The following GABRR2 variants were observed in gnomAD, a reference collection of about 807,000 sequenced individuals.
The protein encoded by GABRR2 is gamma-aminobutyric acid receptor subunit rho-2.
GABRR2 carries 36 observed loss-of-function variants against 47.0 expected under a neutral mutation model. The observed-to-expected ratio is 0.77, with a 90% CI of 0.59 to 1.01. The LOEUF (loss-of-function observed/expected upper bound fraction) is 1.01. Among genes scored for constraint, GABRR2 ranks in the 50% least tolerant of loss-of-function variants. The probability of loss-of-function intolerance (pLI) is 0.00; values close to 1 mark genes in which losing one functional copy is unlikely to be tolerated. For synonymous variants in GABRR2, 204 were observed against 227.5 expected, an observed-to-expected ratio of 0.90 and a Z score of 0.93; for missense variants, 587 against 594.6, an observed-to-expected ratio of 0.99 and a Z score of 0.13.
intron 2 of GABRR2, among the ~76,000 whole-genome samples, chr6:89,283,322 A>G (rs977056742): frequency 2.0e-5 from 3 of 152,214 alleles, no homozygotes; most frequent in Non-Finnish European, 2.9e-5. Context: ...AGATGTACAA[A>G]ATTTTAAAAA....
chr6:89,302,623 C>A, intron 1 of GABRR2: 1 of 1,247,478 alleles, frequency 8.0e-7, no homozygotes, highest in East Asian at 3.5e-5. Context: ...CTGACCGTGC[C>A]CGAGCTCACC....
Position 89,267,704 on chromosome 6 carries a change from G to C in GABRR2, c.711C>G (p.Ser237=), listed in dbSNP as rs531228504. Residue 237 remains serine (S), a synonymous_variant, in exon 6 of 9, where the codon TCC becomes TCG. Coordinates refer to ENST00000402938, the MANE Select transcript of GABRR2 (RefSeq NM_002043.5). ...QFLIQKFHTT[S]RLAFYSSTGW... ...CAGTGCTGCTGTAGAAGGCCAGCCT[G>C]GAAGTTGTGTGAAATTTCTGAATCA... is the stretch of plus-strand genomic sequence containing the variant. The C allele has an allele frequency of 1.1e-4, 173 of 1,613,834 alleles. 1 individual carries two copies. The East Asian group carries it at 3.8e-3, about 36-fold the overall frequency.
At chr6:89,289,933 C>G (rs925423497) in intron 2 of GABRR2, among the ~76,000 whole-genome samples, 16 of 152,066 alleles carry the variant, frequency 1.1e-4, no homozygotes, top group African/African-American at 3.6e-4. Context: ...GTGCAGGGAC[C>G]AAGGCACAAC....
chr6:89,304,207 C>T (rs1290706248), intron 1 of GABRR2, among the ~76,000 whole-genome samples: 2 of 152,094 alleles, frequency 1.3e-5, no homozygotes, highest in South Asian at 4.1e-4. Flanking sequence ...ATGCATCTGA[C>T]AAAGATCTAA....
At chr6:89,279,678 A>G (rs1774223649) in intron 2 of GABRR2, among the ~76,000 whole-genome samples, 1 of 93,926 alleles carries the variant, frequency 1.1e-5, no homozygotes, top group East Asian at 3.6e-4. Flanking sequence ...GCTACAAAAA[A>G]AGTTAAAAAA....
intron 1 of GABRR2, among the ~76,000 whole-genome samples, chr6:89,300,765 AAG>A (rs1491072106): frequency 1.3e-5 from 2 of 150,736 alleles, no homozygotes; most frequent in African/African-American, 2.4e-5. Context: ...AAAAAAAAAA[AAG>A]GCCCAGGACC....
In GABRR2 at chr6:89,267,782, C is replaced by A; in HGVS notation, c.633G>T (p.Lys211Asn). The change falls in exon 6 of 9, where the codon AAG (lysine) becomes AAT (asparagine). Residue 211 changes from lysine to asparagine, a missense_variant. Coordinates refer to ENST00000402938, the MANE Select transcript of GABRR2 (RefSeq NM_002043.5). ...YTDEDLMLYW[K>N]NGDESLKTDE... ...CTGTTTTTAGGGATTCATCCCCATT[C>A]TTCCAGTACAGCATTAGATCTTCAT... 1 of 1,613,850 alleles carries A rather than the reference C, an allele frequency of 6.2e-7. No homozygotes were observed. The highest frequency in any genetic ancestry group is 8.5e-7 in the Non-Finnish European group (1 of 1,179,832).
chr6:89,302,902 A>C, intron 1 of GABRR2: 1 of 1,184,878 alleles, frequency 8.4e-7, no homozygotes, highest in Non-Finnish European at 1.2e-6. Flanking sequence ...CTGTTCAAGC[A>C]TCTCAGAGCA....
intron 1 of GABRR2, chr6:89,301,837 A>G: frequency 9.2e-7 from 1 of 1,085,264 alleles, no homozygotes; most frequent in South Asian, 1.3e-5. Context: ...GATCGGGGCC[A>G]AGTTCTGGGA....
At chr6:89,278,788 G>A (rs12333268) in intron 2 of GABRR2, among the ~76,000 whole-genome samples, 21,563 of 152,234 alleles carry the variant, frequency 0.14, 1,746 homozygotes, top group East Asian at 0.4. Flanking sequence ...CCACACTAGT[G>A]TGGGGCGGGG....
chr6:89,258,897 AATAC>A (rs1351586291), intron 8 of GABRR2, among the ~76,000 whole-genome samples: 2 of 147,764 alleles, frequency 1.4e-5, no homozygotes, highest in Admixed American at 1.3e-4. Flanking sequence ...TTGAATGCAT[AATAC>A]ATTTTCTCCA....
intron 1 of GABRR2, among the ~76,000 whole-genome samples, chr6:89,301,419 G>C (rs576747352): frequency 7.2e-5 from 11 of 152,296 alleles, no homozygotes; most frequent in Non-Finnish European, 8.8e-5. Flanking sequence ...AATAGGAAGA[G>C]AGGAAGTCAA....
rs1212806816 is a variant in GABRR2 at position 89,257,689 on chromosome 6, T to C, written c.1379A>G (p.Tyr460Cys). 2.7e-5 allele frequency: 44 copies of C among 1,612,776 alleles called. No individual in the cohort carries two copies. Among genetic ancestry groups the C allele is most frequent in the Non-Finnish European group, 3.4e-5 (40 of 1,179,382 alleles). The change falls in exon 9 of 9, where the codon TAT becomes TGT. Residue 460 changes from tyrosine (Y) to cysteine (C), a missense_variant. Tyr to Cys is a radical substitution (Grantham distance 194). Transcript: ENST00000402938. ...GAGCCCCTAGGAAAACACTGACCAA[T>C]AAATTAAGTTGAAAAATATGTAGGA... ...PASYIFFNLI[Y>C]WSVFS
At chr6:89,293,935 G>C (rs1409633417) in intron 2 of GABRR2, among the ~76,000 whole-genome samples, 1 of 152,174 alleles carries the variant, frequency 6.6e-6, no homozygotes, top group Non-Finnish European at 1.5e-5. Context: ...TGTTTCAACT[G>C]ATCCATGGGA....
chr6:89,272,903 G>C (rs1462668561), intron 2 of GABRR2, among the ~76,000 whole-genome samples: 1 of 152,168 alleles, frequency 6.6e-6, no homozygotes, highest in East Asian at 1.9e-4. Flanking sequence ...CCGCCCAAAT[G>C]CAGGGTAGAG....
chr6:89,268,975 C>T (rs1773977863), intron 4 of GABRR2, 36 bp downstream of exon 4: 2 of 1,576,980 alleles, frequency 1.3e-6, no homozygotes, highest in Admixed American at 1.7e-5. Context: ...ACCAGAAAGG[C>T]ACTGGACAGA....
In GABRR2 at chr6:89,264,466, A is replaced by T. The variant is rs757975664; in HGVS notation, c.1032T>A (p.Ala344=). Residue 344 remains alanine (A), a synonymous_variant, in exon 8 of 9, where the codon GCT becomes GCA. Transcript: ENST00000402938. The stretch of plus-strand genomic sequence containing the variant: ...CCTGCACGGTGGTCAGGTAGTTGAC[A>T]GCCGCATACTCCAGCACCGAGAGGA... ...FVFLSVLEYA[A]VNYLTTVQER... is the part of the protein sequence containing the mutation. The T allele has an allele frequency of 2.5e-6, 4 of 1,613,930 alleles. No individual in the cohort carries two copies. In the Admixed American group the frequency reaches 5.0e-5, roughly 20 times the overall value.
intron 2 of GABRR2, among the ~76,000 whole-genome samples, chr6:89,272,237 G>A (rs1310887852): frequency 6.6e-6 from 1 of 152,220 alleles, no homozygotes; most frequent in African/African-American, 2.4e-5. Context: ...TCAACCCAGG[G>A]TGAGACAAGA....
At chr6:89,310,179 A>C (rs1210070046) in intron 1 of GABRR2, among the ~76,000 whole-genome samples, 3 of 152,066 alleles carry the variant, frequency 2.0e-5, no homozygotes, top group Non-Finnish European at 4.4e-5. Flanking sequence ...CCACCTAAAA[A>C]AAAATTTATT....
Sources: allele counts gnomAD v4.1 joint callset (sites outside exome capture counted in the v4.1 genomes callset), GRCh38; gene constraint gnomAD v4.1.1; transcripts MANE v1.5; gene names NCBI Gene and HGNC (gene_info 2026-07-23, HGNC 2026-07-21).